The following PRDM15 variants were observed in gnomAD, a reference collection of about 807,000 sequenced individuals.
The protein encoded by PRDM15 is PR domain zinc finger protein 15.
Under a neutral mutation model 128.6 loss-of-function variants are expected in PRDM15, and 64 were observed. The observed-to-expected ratio is 0.50, with a 90% CI of 0.41 to 0.61. The LOEUF (loss-of-function observed/expected upper bound fraction) is 0.61. Among genes scored for constraint, PRDM15 ranks in the 20% least tolerant of loss-of-function variants. The pLI, the probability that PRDM15 is intolerant of heterozygous loss-of-function variation, is 0.00. For synonymous variants in PRDM15, 615 were observed against 621.8 expected (o/e 0.99, Z 0.16); for missense variants, 1,242 against 1,569.1 (o/e 0.79, Z 3.52).
Position 41,838,129 on chromosome 21 carries a change from G to C in PRDM15, c.872-66C>G, listed in dbSNP as rs541503161. 2.2e-5 allele frequency: 35 copies of C among 1,562,256 alleles called. No homozygotes were observed. In the African/African-American group the frequency reaches 4.2e-4, roughly 19 times the overall value. On this transcript the variant is annotated intron_variant, in intron 7 of 23. Transcript: ENST00000398548. ...CAGGGGACAAACACAGTCAAACCAT[G>C]GTGACACACTGCCCCATGGGAACCA... is the stretch of plus-strand genomic sequence containing the variant.
At position 41,859,220 on chromosome 21, in the gene PRDM15, G is replaced by A. The variant is rs78969095; in HGVS notation, c.131+372C>T. On this transcript the variant is annotated intron_variant, in intron 3 of 23. Transcript: ENST00000398548. The surrounding 1 kb of genome is among the most constrained non-coding windows in gnomAD (Gnocchi z 5.3). ...CTGGGTGTGCACGTGTCCGCTGGCA[G>A]GCCAAGACCTGGAATGCAGAGAGAA... 228 of 1,613,708 alleles carry A rather than the reference G, an allele frequency of 1.4e-4. No homozygotes were observed. In the African/African-American group the frequency reaches 2.8e-3, roughly 20 times the overall value.
intron 22 of PRDM15, among the ~76,000 whole-genome samples, chr21:41,803,761 A>G (rs1255331201): frequency 1.3e-5 from 2 of 152,150 alleles, no homozygotes; most frequent in Non-Finnish European, 2.9e-5. Flanking sequence ...CTTCATGAAG[A>G]CTGCACTCTA....
chr21:41,873,684 C>A (rs1036048407), intron 1 of PRDM15, among the ~76,000 whole-genome samples: 2 of 152,158 alleles, frequency 1.3e-5, no homozygotes, highest in Admixed American at 6.5e-5. Context: ...AAGATGACAT[C>A]TATATTTCTC....
chr21:41,871,855 A>G (rs1224985973), intron 1 of PRDM15: 1 of 455,340 alleles, frequency 2.2e-6, no homozygotes, highest in Non-Finnish European at 4.0e-6. Context: ...GGCCCTGCCG[A>G]GTACAGTCTC....
At chr21:41,819,549 A>T (rs1340382836) in intron 18 of PRDM15, 33 bp downstream of exon 18, 1 of 1,557,434 alleles carries the variant, frequency 6.4e-7, no homozygotes, top group Admixed American at 1.7e-5. Flanking sequence ...GGCCTGGCTG[A>T]GCCTGGCCCA....
chr21:41,847,213 A>C (rs776821539), intron 5 of PRDM15, 22 bp from the exon 6 acceptor site: 1 of 1,504,850 alleles, frequency 6.6e-7, no homozygotes, highest in Non-Finnish European at 9.0e-7. Flanking sequence ...ATGAGAGGAG[A>C]AAAAGGTGAC....
intron 5 of PRDM15, among the ~76,000 whole-genome samples, chr21:41,848,782 G>A (rs2063343320): frequency 6.6e-6 from 1 of 152,182 alleles, no homozygotes; most frequent in Non-Finnish European, 1.5e-5. Flanking sequence ...AGGTAAAGAG[G>A]ACTAGAAAAA....
In PRDM15 at chr21:41,821,875, C is replaced by T; in HGVS notation, c.1896+28G>A. 6.2e-7 allele frequency: 1 copy of T among 1,612,634 alleles called. No individual in the cohort carries two copies. The highest frequency in any genetic ancestry group is 8.5e-7 in the Non-Finnish European group (1 of 1,179,944). On this transcript the variant is annotated intron_variant, in intron 15 of 23. Transcript: ENST00000398548. This position sits in a 1 kb window ranked among gnomAD's most constrained non-coding sequence, Gnocchi z 5.4. ...CGACCACCTTCCTCTCCAGACCACCCAGGCACCGCGGGGCAAACCCGCCAT... is the reference window on the plus strand; with the variant it reads ...CGACCACCTTCCTCTCCAGACCACCTAGGCACCGCGGGGCAAACCCGCCAT...
chr21:41,874,070 G>GAA (rs34938588), intron 1 of PRDM15, among the ~76,000 whole-genome samples: 4 of 107,676 alleles, frequency 3.7e-5, no homozygotes, highest in South Asian at 3.0e-4. Flanking sequence ...TCTGTCTCGG[G>GAA]AAAAAAAAAA....
In PRDM15 at chr21:41,799,557, TGG is replaced by T. The variant is rs980407277; in HGVS notation, c.*1681_*1682del. Reference sequence around the variant, plus strand: ...CCCACAGACCCTCCTGCATGCTGCCTGGGGATGAACATTCCTTAGTTCATGAA... The same window carrying T: ...CCCACAGACCCTCCTGCATGCTGCCTGGATGAACATTCCTTAGTTCATGAA... On this transcript the variant is annotated 3_prime_UTR_variant, in exon 24 of 24. Coordinates refer to ENST00000398548, the MANE Select transcript of PRDM15 (RefSeq NM_001040424.3). 3 of 152,238 alleles carry T rather than the reference TGG, an allele frequency of 2.0e-5. No individual in the cohort carries two copies. The highest frequency in any genetic ancestry group is 7.2e-5 in the African/African-American group (3 of 41,466). 9.4% of individuals were successfully genotyped at this position (152,238 alleles called of 1,614,324 possible). A position where few individuals can be genotyped will look rare whatever the true frequency, so the allele number is the denominator to read the frequency against.
chr21:41,818,417 T>C (rs576702172), intron 18 of PRDM15, among the ~76,000 whole-genome samples: 66 of 152,154 alleles, frequency 4.3e-4, no homozygotes, highest in Admixed American at 1.0e-3. Flanking sequence ...CCTGTTTGTA[T>C]TGTTTAAAAA....
chr21:41,827,200 A>C (rs1483514259), intron 12 of PRDM15, among the ~76,000 whole-genome samples: 7 of 152,182 alleles, frequency 4.6e-5, no homozygotes, highest in Admixed American at 4.6e-4. Flanking sequence ...ACAAAGAAAA[A>C]CGTTGTCGGT....
chr21:41,805,752 T>TC (rs2061541719), intron 21 of PRDM15, among the ~76,000 whole-genome samples: 1 of 128,646 alleles, frequency 7.8e-6, no homozygotes, highest in African/African-American at 3.0e-5. Flanking sequence ...CATTACCACC[T>TC]CTATCATCAG....
Position 41,821,987 on chromosome 21 carries a change from G to T in PRDM15, c.1812C>A (p.Ile604=). 1 of 1,614,164 alleles carries T rather than the reference G, an allele frequency of 6.2e-7. No individual in the cohort carries two copies. The highest frequency in any genetic ancestry group is 8.5e-7 in the Non-Finnish European group (1 of 1,180,030). Residue 604 remains isoleucine (I), a synonymous_variant, in exon 15 of 24, where the codon ATC becomes ATA. Coordinates refer to ENST00000398548, the MANE Select transcript of PRDM15 (RefSeq NM_001040424.3). This position sits in a 1 kb window ranked among gnomAD's most constrained non-coding sequence, Gnocchi z 5.4. ...DHQREEFIGK[I]GISSEENDDN... ...CATCGTTTTCTTCCGAGGAGATCCCGATCTTGCCGATAAACTCTTCCCTCT... is the reference window on the plus strand; with the variant it reads ...CATCGTTTTCTTCCGAGGAGATCCCTATCTTGCCGATAAACTCTTCCCTCT...
chr21:41,835,306 G>A (rs2062834842), intron 11 of PRDM15, 131 bp downstream of exon 11: 8 of 742,338 alleles, frequency 1.1e-5, no homozygotes, highest in Admixed American at 1.0e-4. Context: ...TGGACAGAGG[G>A]AAATGTTAAA....
intron 1 of PRDM15, chr21:41,867,432 G>A: frequency 7.7e-7 from 1 of 1,306,146 alleles, no homozygotes. Flanking sequence ...AGCAGAACAG[G>A]TGAAACATAC....
chr21:41,838,613 C>T (rs2062972170), intron 7 of PRDM15, among the ~76,000 whole-genome samples: 1 of 152,220 alleles, frequency 6.6e-6, no homozygotes, highest in Non-Finnish European at 1.5e-5. Flanking sequence ...TACTAAATGT[C>T]TTCTCAACAC....
chr21:41,800,861 T>G lies in PRDM15; in HGVS notation c.*379A>C. 7 of 191,980 alleles carry G rather than the reference T, an allele frequency of 3.6e-5. No homozygotes were observed. The highest frequency in any genetic ancestry group is 5.3e-5 in the Non-Finnish European group (5 of 95,016). 11.9% of individuals were successfully genotyped at this position (191,980 alleles called of 1,614,324 possible). A position where few individuals can be genotyped will look rare whatever the true frequency, so the allele number is the denominator to read the frequency against. On this transcript the variant is annotated 3_prime_UTR_variant, in exon 24 of 24. Coordinates refer to ENST00000398548, the MANE Select transcript of PRDM15 (RefSeq NM_001040424.3). The stretch of plus-strand genomic sequence containing the variant: ...CTAAAAGAAAAAAGAAAATGAACCA[T>G]TTGTGTTCCTAATAACTTATCTCCT...
rs769504744 is a variant in PRDM15 at position 41,821,887 on chromosome 21, G to A, written c.1896+16C>T. ...TCTCCAGACCACCCAGGCACCGCGG[G>A]GCAAACCCGCCATACCTGGCACCGC... On this transcript the variant is annotated intron_variant, in intron 15 of 23. Transcript: ENST00000398548. This position sits in a 1 kb window ranked among gnomAD's most constrained non-coding sequence, Gnocchi z 5.4. The A allele has an allele frequency of 1.2e-6, 2 of 1,613,222 alleles. No individual in the cohort carries two copies. The highest frequency in any genetic ancestry group is 2.2e-5 in the South Asian group (2 of 91,080).
Sources: allele counts gnomAD v4.1 joint callset (sites outside exome capture counted in the v4.1 genomes callset), GRCh38; gene constraint gnomAD v4.1.1; non-coding constraint Gnocchi (gnomAD v3.1); transcripts MANE v1.5; gene names NCBI Gene and HGNC (gene_info 2026-07-23, HGNC 2026-07-21).